Variants in UNC80 observed in about 807,000 individuals in gnomAD.
The protein encoded by UNC80 is unc-80 subunit of NALCN channel complex.
UNC80 carries 164 observed loss-of-function variants against 384.6 expected under a neutral mutation model. The ratio of observed to expected loss-of-function variants is 0.43; its 90% CI spans 0.38 to 0.49. The LOEUF (loss-of-function observed/expected upper bound fraction) is 0.49, where lower values mean the gene tolerates loss of function less well. Among genes scored for constraint, UNC80 ranks in the 20% least tolerant of loss-of-function variants. The pLI, the probability that UNC80 is intolerant of heterozygous loss-of-function variation, is 0.00. For missense variants in UNC80, 3,330 were observed against 4,143.0 expected (o/e 0.80, Z 5.39); for synonymous variants, 1,486 against 1,527.8 (o/e 0.97, Z 0.64).
intron 51 of UNC80, among the ~76,000 whole-genome samples, chr2:209,963,240 G>A (rs565771320): frequency 6.6e-5 from 10 of 152,066 alleles, no homozygotes; most frequent in South Asian, 2.1e-4. Context: ...TCTCTCTCTC[G>A]TGTGTGGTCT....
intron 6 of UNC80, among the ~76,000 whole-genome samples, chr2:209,793,208 T>G (rs2077934829): frequency 6.6e-6 from 1 of 152,246 alleles, no homozygotes; most frequent in Non-Finnish European, 1.5e-5. Flanking sequence ...CTGCTGAATG[T>G]GTACTTATAA....
intron 24 of UNC80, 28 bp downstream of exon 24, chr2:209,878,117 C>A: frequency 6.7e-7 from 1 of 1,498,680 alleles, no homozygotes; most frequent in Non-Finnish European, 8.9e-7. Context: ...ACTACAAGAA[C>A]CCCTGCTTGT....
intron 22 of UNC80, among the ~76,000 whole-genome samples, chr2:209,869,825 A>T (rs1381613898): frequency 6.6e-6 from 1 of 152,124 alleles, no homozygotes; most frequent in African/African-American, 2.4e-5. Flanking sequence ...TTGGATTAGA[A>T]TTTCCCACAG....
At chr2:209,912,726 C>A in intron 30 of UNC80, 59 bp downstream of exon 30, 3 of 1,195,486 alleles carry the variant, frequency 2.5e-6, no homozygotes, top group Non-Finnish European at 3.6e-6. Flanking sequence ...GGACTCCAGA[C>A]AGCCTATTTA....
At chr2:209,842,831 G>A (rs1190720197) in intron 21 of UNC80, among the ~76,000 whole-genome samples, 10 of 152,338 alleles carry the variant, frequency 6.6e-5, no homozygotes, top group East Asian at 5.8e-4. Flanking sequence ...CACTTCCACT[G>A]AGGGGGAGTT....
Position 209,962,899 on chromosome 2 carries a change from G to A in UNC80, c.7805+3192G>A, listed in dbSNP as rs190709441. On this transcript the variant is annotated intron_variant, in intron 51 of 64. Coordinates refer to ENST00000673920, the MANE Select transcript of UNC80 (RefSeq NM_001371986.1). ...TGCGAATTGAGGGTAGTATTAAATC[G>A]TTCTTAAATTATAAGAATAGATAAT... Among the ~76,000 whole-genome samples the A allele has an allele frequency of 9.5e-4, 145 of 152,270 alleles. 5 individuals carry two copies. The East Asian group carries it at 0.023, about 24-fold the overall frequency.
rs1296565940 is a variant in UNC80 at position 209,985,497 on chromosome 2, G to A, written c.9314+585G>A. Among the ~76,000 whole-genome samples, 8 of 152,324 alleles carry A rather than the reference G, an allele frequency of 5.3e-5. No homozygotes were observed. In the East Asian group the frequency reaches 1.4e-3, roughly 26 times the overall value. ...ACTTATACAAAGAATGTCTGTTCTA[G>A]CACAAAGGTGACTCCAAAACTTGCA... On this transcript the variant is annotated intron_variant, in intron 61 of 64. Transcript: ENST00000673920.
intron 6 of UNC80, among the ~76,000 whole-genome samples, chr2:209,792,676 T>C (rs577475369): frequency 1.3e-5 from 2 of 152,332 alleles, no homozygotes; most frequent in South Asian, 4.1e-4. Flanking sequence ...ATTGATTCTA[T>C]GTTGAAATGA....
At chr2:209,778,707 C>A (rs2077000940) in intron 4 of UNC80, among the ~76,000 whole-genome samples, 1 of 152,154 alleles carries the variant, frequency 6.6e-6, no homozygotes, top group African/African-American at 2.4e-5. Flanking sequence ...GAAAAGAAAT[C>A]AAGAACTATT....
At chr2:209,865,333 T>C (rs1256690125) in intron 22 of UNC80, among the ~76,000 whole-genome samples, 2 of 152,190 alleles carry the variant, frequency 1.3e-5, no homozygotes, top group African/African-American at 4.8e-5. Context: ...CCGGTCGCGA[T>C]GGCTCATGCC....
intron 17 of UNC80, among the ~76,000 whole-genome samples, 192 bp downstream of exon 17, chr2:209,834,360 T>C (rs2081200506): frequency 6.6e-6 from 1 of 152,244 alleles, no homozygotes. Flanking sequence ...AAATAAATGC[T>C]GCCTCTAATA....
intron 7 of UNC80, chr2:209,794,957 A>T (rs1372351295): frequency 5.9e-6 from 2 of 336,696 alleles, no homozygotes; most frequent in Non-Finnish European, 1.2e-5. Context: ...ATTGCTGAAA[A>T]GATACCCAAA....
At chr2:209,884,882 C>T (rs572609459) in intron 25 of UNC80, among the ~76,000 whole-genome samples, 1 of 151,994 alleles carries the variant, frequency 6.6e-6, no homozygotes, top group South Asian at 2.1e-4. Context: ...GAACAACACA[C>T]ACTGGGGTCT....
chr2:209,926,657 T>C (rs760083629), intron 35 of UNC80, among the ~76,000 whole-genome samples, 186 bp from the exon 36 acceptor site: 17 of 152,104 alleles, frequency 1.1e-4, no homozygotes, highest in Non-Finnish European at 2.2e-4. Flanking sequence ...ACCTATGTGG[T>C]CCCAGCTACT....
chr2:209,938,777 A>G (rs1347683032), intron 42 of UNC80, among the ~76,000 whole-genome samples: 1 of 151,570 alleles, frequency 6.6e-6, no homozygotes, highest in African/African-American at 2.4e-5. Context: ...AAAGAATGCC[A>G]TCAAATGGAG....
At chr2:209,854,948 A>G (rs138875441) in intron 22 of UNC80, among the ~76,000 whole-genome samples, 1 of 152,340 alleles carries the variant, frequency 6.6e-6, no homozygotes, top group East Asian at 1.9e-4. Flanking sequence ...ATTACTGGGT[A>G]TATACCCAAA....
At chr2:209,850,285 T>C (rs965404200) in intron 22 of UNC80, among the ~76,000 whole-genome samples, 1 of 152,146 alleles carries the variant, frequency 6.6e-6, no homozygotes, top group East Asian at 1.9e-4. Context: ...AATTTATTTA[T>C]CTTTATTTAT....
intron 15 of UNC80, among the ~76,000 whole-genome samples, chr2:209,830,684 A>G (rs918587766): frequency 1.3e-5 from 2 of 152,218 alleles, no homozygotes; most frequent in Non-Finnish European, 2.9e-5. Flanking sequence ...TTCACAGGCC[A>G]TGAGAAATCC....
At chr2:209,967,082 A>G (rs1028694509) in intron 51 of UNC80, among the ~76,000 whole-genome samples, 1 of 152,194 alleles carries the variant, frequency 6.6e-6, no homozygotes, top group South Asian at 2.1e-4. Context: ...TTTATAATAT[A>G]CATGTATTTG....
Sources: gnomAD v4.1 joint callset for allele counts (sites outside exome capture counted in the v4.1 genomes callset) on GRCh38, gnomAD v4.1.1 for gene constraint, MANE v1.5 for transcripts, NCBI Gene and HGNC (gene_info 2026-07-23, HGNC 2026-07-21) for gene names.